The following ATP5MC2 variants were observed in gnomAD, a reference collection of about 807,000 sequenced individuals.
ATP5MC2 encodes ATP synthase F(0) complex subunit C2, mitochondrial.
In ATP5MC2, 11 loss-of-function variants were observed where a neutral mutation model predicts 13.5. That is an observed-to-expected ratio of 0.81 (90% CI 0.51 to 1.35). The LOEUF is 1.35. ATP5MC2 is among the 40% of genes most tolerant of loss of function. The pLI, the probability that ATP5MC2 is intolerant of heterozygous loss-of-function variation, is 0.00. For missense variants in ATP5MC2, 132 were observed against 175.0 expected (o/e 0.75, Z 1.39); for synonymous variants, 64 against 69.7 (o/e 0.92, Z 0.41).
chr12:53,674,321 A>C (rs1945201822), intron 1 of ATP5MC2, among the ~76,000 whole-genome samples: 1 of 152,244 alleles, frequency 6.6e-6, no homozygotes, highest in South Asian at 2.1e-4. Context: ...CAGTATGGGC[A>C]ACAACGTGAA....
upstream of ATP5MC2, among the ~76,000 whole-genome samples, chr12:53,680,407 C>T (rs565505100): frequency 1.1e-4 from 17 of 152,252 alleles, no homozygotes; most frequent in East Asian, 1.9e-4. Flanking sequence ...GTAAGAAAGA[C>T]GTGTACACAT....
At chr12:53,670,132 A>G in intron 2 of ATP5MC2, 184 bp from the exon 3 acceptor site, 1 of 647,194 alleles carries the variant, frequency 1.5e-6, no homozygotes, top group East Asian at 3.1e-5. Context: ...AAAGAACCAC[A>G]CCATTTCTCT....
chr12:53,666,747 C>G (rs192848620), intron 4 of ATP5MC2, among the ~76,000 whole-genome samples: 192 of 146,812 alleles, frequency 1.3e-3, no homozygotes, highest in Non-Finnish European at 2.3e-3. Context: ...GTGACAGAGT[C>G]AGACTCTGTC....
At chr12:53,670,924 G>A (rs1157962935) in intron 2 of ATP5MC2, among the ~76,000 whole-genome samples, 4 of 151,778 alleles carry the variant, frequency 2.6e-5, no homozygotes, top group Non-Finnish European at 4.4e-5. Flanking sequence ...CGCCCAGCCC[G>A]AAGTATGGTT....
chr12:53,675,983 C>G lies in ATP5MC2; in HGVS notation c.-32+70G>C. 5.1e-6 allele frequency: 8 copies of G among 1,578,090 alleles called. No homozygotes were observed. In the South Asian group the frequency reaches 8.2e-5, roughly 16 times the overall value. ...AGCACGCAAGGTAAGCGCCTCAAAG[C>G]ATCCGCGCAAGGTGAGGTGTCCCGC... is the stretch of plus-strand genomic sequence containing the variant. On this transcript the variant is annotated intron_variant, in intron 1 of 4. Transcript: ENST00000394349.
At chr12:53,679,669 CTT>C (rs1945330448), upstream of ATP5MC2, among the ~76,000 whole-genome samples, 2 of 152,202 alleles carry the variant, frequency 1.3e-5, no homozygotes, top group African/African-American at 4.8e-5. Flanking sequence ...ACTGCCAATA[CTT>C]TATACATATT....
At chr12:53,672,983 T>A (rs1002845017) in intron 1 of ATP5MC2, 1 of 237,584 alleles carries the variant, frequency 4.2e-6, no homozygotes, top group African/African-American at 2.3e-5. Flanking sequence ...TTAGTTTTTA[T>A]TCAAAAGGAA....
chr12:53,667,629 T>C (rs1044606141), intron 4 of ATP5MC2, among the ~76,000 whole-genome samples: 1 of 152,090 alleles, frequency 6.6e-6, no homozygotes, highest in Non-Finnish European at 1.5e-5. Flanking sequence ...CCTGAGTAGC[T>C]GGGATTACAG....
intron 2 of ATP5MC2, chr12:53,670,291 T>C (rs1593049996): frequency 2.7e-6 from 1 of 367,254 alleles, no homozygotes; most frequent in East Asian, 7.0e-5. Context: ...AAGGGAAATA[T>C]ATACAGATGC....
In ATP5MC2 at chr12:53,669,333, G is replaced by C. The variant is rs1945025719; in HGVS notation, c.126C>G (p.Ser42Arg). The change falls in exon 4 of 5, where the codon AGC (serine) becomes AGG (arginine). Residue 42 changes from serine (S) to arginine (R), a missense_variant. Physicochemically the swap from Ser to Arg is moderately radical, Grantham distance 110. Transcript: ENST00000394349. ...RPEILTDESL[S>R]SLAVSCPLTS... is the part of the protein sequence containing the mutation. ...TAAGGGGACATGAGACTGCCAAGCT[G>C]CTGAGGCTCTGTGAAAAAGAGGCAG... is the stretch of plus-strand genomic sequence containing the variant. 1 of 1,612,014 alleles carries C rather than the reference G, an allele frequency of 6.2e-7. No homozygotes were observed. Among genetic ancestry groups the C allele is most frequent in the African/African-American group, 1.3e-5 (1 of 74,944 alleles).
chr12:53,675,492 C>G (rs1251154178), intron 1 of ATP5MC2, among the ~76,000 whole-genome samples: 2 of 152,200 alleles, frequency 1.3e-5, no homozygotes, highest in Non-Finnish European at 2.9e-5. Context: ...CAAGCCACAA[C>G]CTAACGGGAG....
chr12:53,672,564 G>C lies in ATP5MC2; in HGVS notation c.39+12C>G. 1 of 1,566,624 alleles carries C rather than the reference G, an allele frequency of 6.4e-7. No homozygotes were observed. Among genetic ancestry groups the C allele is most frequent in the Non-Finnish European group, 8.7e-7 (1 of 1,153,748 alleles). The stretch of plus-strand genomic sequence containing the variant: ...TCTCCTTTAAAACTCTCCCAGAAAA[G>C]CAGGTACTCACCAAGGAGGGAGTGG... On this transcript the variant is annotated intron_variant, in intron 2 of 4. Coordinates refer to ENST00000394349, the MANE Select transcript of ATP5MC2 (RefSeq NM_005176.7).
chr12:53,675,461 T>G (rs936401808), intron 1 of ATP5MC2, among the ~76,000 whole-genome samples: 1 of 152,190 alleles, frequency 6.6e-6, no homozygotes, highest in African/African-American at 2.4e-5. Context: ...AACCAGCCTC[T>G]CTCTTCTGCC....
Position 53,672,790 on chromosome 12 carries a change from G to A in ATP5MC2, c.-31-145C>T, listed in dbSNP as rs1030082517. ...TTGGCAGAAATAGAATTAAAACCCTGAAGTCATGACTTCTTCCAGAAACCC... is the reference window on the plus strand; with the variant it reads ...TTGGCAGAAATAGAATTAAAACCCTAAAGTCATGACTTCTTCCAGAAACCC... On this transcript the variant is annotated intron_variant, in intron 1 of 4. Transcript: ENST00000394349. 4.3e-6 allele frequency: 3 copies of A among 702,244 alleles called. No individual in the cohort carries two copies. The East Asian group carries it at 8.5e-5, about 20-fold the overall frequency. The allele number at this position is 702,244 out of a possible 1,614,324, so 43.5% of individuals were successfully genotyped here.
At chr12:53,677,434 T>C (rs2120425627), upstream of ATP5MC2, 1 of 152,316 alleles carries the variant, frequency 6.6e-6, no homozygotes, top group East Asian at 1.9e-4. Flanking sequence ...AGTTTAATTA[T>C]CCTCGCGGAG....
At chr12:53,672,222 C>CTTAT (rs1945120891) in intron 2 of ATP5MC2, among the ~76,000 whole-genome samples, 1 of 151,534 alleles carries the variant, frequency 6.6e-6, no homozygotes, top group African/African-American at 2.4e-5. Flanking sequence ...TACTTATTTA[C>CTTAT]TTATTTATTT....
At position 53,669,042 on chromosome 12, in the gene ATP5MC2, G is replaced by A. The variant is rs1041232531; in HGVS notation, c.311+106C>T. The A allele has an allele frequency of 1.2e-5, 16 of 1,346,676 alleles. No individual in the cohort carries two copies. In the African/African-American group the frequency reaches 2.2e-4, roughly 19 times the overall value. The allele number at this position is 1,346,676 out of a possible 1,614,324, so 83.4% of individuals were successfully genotyped here. On this transcript the variant is annotated intron_variant, in intron 4 of 4. Transcript: ENST00000394349. ...AAACAAACAAACAAACAAACAACAT[G>A]TAGCTAGTGGCTACAGTGTGGGATA...
rs2138025224 is a variant in ATP5MC2, at chr12:53,669,191, C to T, written c.268G>A (p.Gly90Arg). The change falls in exon 4 of 5, where the codon GGG (glycine) becomes AGG (arginine). Residue 90 changes from glycine to arginine, a missense_variant. Gly to Arg is a moderately radical substitution (Grantham distance 125, BLOSUM62 -2). Transcript: ENST00000394349. ...ATVGVAGSGA[G>R]IGTVFGSLII... ...AGGCTCCCAAACACAGTTCCAATCC[C>T]AGCCCCAGAACCAGCCACCCCAACT... is the stretch of plus-strand genomic sequence containing the variant. The T allele has an allele frequency of 6.2e-7, 1 of 1,613,790 alleles. No individual in the cohort carries two copies. Among genetic ancestry groups the T allele is most frequent in the Non-Finnish European group, 8.5e-7 (1 of 1,179,832 alleles).
chr12:53,667,950 C>CATATATATAT (rs1281755104), intron 4 of ATP5MC2, among the ~76,000 whole-genome samples: 11 of 37,262 alleles, frequency 3.0e-4, no homozygotes, highest in South Asian at 1.1e-3. Flanking sequence ...TACATACATA[C>CATATATATAT]ACACACATAT....
Sources: gnomAD v4.1 joint callset for allele counts (sites outside exome capture counted in the v4.1 genomes callset) on GRCh38, gnomAD v4.1.1 for gene constraint, MANE v1.5 for transcripts, NCBI Gene and HGNC (gene_info 2026-07-23, HGNC 2026-07-21) for gene names.